Variants in ASXL2 observed in about 807,000 individuals in gnomAD.
ASXL2 encodes ASXL transcriptional regulator 2, also known as putative Polycomb group protein ASXL2.
A neutral mutation model predicts 122.0 loss-of-function variants in ASXL2; 23 were observed. The ratio of observed to expected loss-of-function variants is 0.19; its 90% CI spans 0.14 to 0.27. The LOEUF (loss-of-function observed/expected upper bound fraction) is 0.27, where lower values mean the gene tolerates loss of function less well. ASXL2 is among the 10% of genes least tolerant of loss of function. The probability of loss-of-function intolerance (pLI) is 1.00; values close to 1 mark genes in which losing one functional copy is unlikely to be tolerated. For missense variants in ASXL2, 1,518 were observed against 1,713.8 expected, an observed-to-expected ratio of 0.89 and a Z score of 2.02; for synonymous variants, 650 against 637.0, an observed-to-expected ratio of 1.02 and a Z score of -0.31.
intron 6 of ASXL2, among the ~76,000 whole-genome samples, chr2:25,769,975 G>A (rs1162344064): frequency 3.9e-5 from 6 of 152,204 alleles, no homozygotes; most frequent in Admixed American, 2.6e-4. Flanking sequence ...AATAGGTGAG[G>A]CAGAAGCACA....
intron 1 of ASXL2, among the ~76,000 whole-genome samples, chr2:25,856,147 C>G (rs1482676419): frequency 6.6e-6 from 1 of 151,872 alleles, no homozygotes; most frequent in African/African-American, 2.4e-5. Context: ...ACCTCCGCCT[C>G]CTGGGTTCAA....
intron 5 of ASXL2, among the ~76,000 whole-genome samples, chr2:25,778,283 G>A (rs2088579512): frequency 6.6e-6 from 1 of 152,222 alleles, no homozygotes; most frequent in Non-Finnish European, 1.5e-5. Flanking sequence ...CTTCATAAGA[G>A]ATGCATAAGG....
At chr2:25,868,696 AATAT>A (rs2089930033) in intron 1 of ASXL2, among the ~76,000 whole-genome samples, 1 of 152,210 alleles carries the variant, frequency 6.6e-6, no homozygotes, top group Non-Finnish European at 1.5e-5. Context: ...AACAATACTT[AATAT>A]ATTTGACTAG....
At chr2:25,808,408 C>G (rs796307855) in intron 3 of ASXL2, among the ~76,000 whole-genome samples, 7 of 152,340 alleles carry the variant, frequency 4.6e-5, no homozygotes, top group African/African-American at 1.7e-4. Flanking sequence ...TCTTGGCTCA[C>G]TGCAACCTTC....
At chr2:25,795,816 G>T (rs1294426235) in intron 5 of ASXL2, among the ~76,000 whole-genome samples, 1 of 152,186 alleles carries the variant, frequency 6.6e-6, no homozygotes, top group Non-Finnish European at 1.5e-5. Flanking sequence ...AGGAGAAGCA[G>T]GGGATAGAGA....
chr2:25,762,184 T>A (rs2088263998), intron 8 of ASXL2, among the ~76,000 whole-genome samples: 1 of 151,544 alleles, frequency 6.6e-6, no homozygotes, highest in African/African-American at 2.4e-5. Flanking sequence ...TATATAGAAG[T>A]ATGATATATC....
rs2088307328 is a variant in ASXL2 at position 25,764,395 on chromosome 2, CAT to C, written c.775+3186_775+3187del. 2.6e-5 allele frequency among the ~76,000 whole-genome samples: 4 copies of C among 152,220 alleles called. No individual in the cohort carries two copies. In the South Asian group the frequency reaches 8.3e-4, roughly 32 times the overall value. On this transcript the variant is annotated intron_variant, in intron 8 of 12. Coordinates refer to ENST00000435504, the MANE Select transcript of ASXL2 (RefSeq NM_018263.6). ...AGGAGAAGAACTGTTGTGGGCCACA[CAT>C]AAAATACACTAACACTAACTAATGA...
intron 2 of ASXL2, among the ~76,000 whole-genome samples, chr2:25,837,291 G>T (rs891733179): frequency 6.6e-6 from 1 of 152,196 alleles, no homozygotes; most frequent in Non-Finnish European, 1.5e-5. Context: ...TGGTTTCAAA[G>T]AATATTCAGG....
rs992880259 is a variant in ASXL2, at chr2:25,856,631, A to G, written c.58-11068T>C. ...GCCCCACCACAAGGTCAGCAATGAA[A>G]ATGTCCTCAGTCTCCCCAGAGTGGT... On this transcript the variant is annotated intron_variant, in intron 1 of 12. Transcript: ENST00000435504. 61 of 1,246,734 alleles carry G rather than the reference A, an allele frequency of 4.9e-5. No individual in the cohort carries two copies. The Admixed American group carries it at 1.0e-3, about 21-fold the overall frequency. 77.2% of individuals were successfully genotyped at this position (1,246,734 alleles called of 1,614,324 possible).
chr2:25,804,129 C>T (rs779609270), intron 4 of ASXL2, among the ~76,000 whole-genome samples: 7 of 152,238 alleles, frequency 4.6e-5, no homozygotes, highest in Non-Finnish European at 8.8e-5. Flanking sequence ...GGAAATTCAA[C>T]AAAGTATATA....
intron 1 of ASXL2, among the ~76,000 whole-genome samples, chr2:25,852,204 AC>A (rs1423267622): frequency 6.6e-6 from 1 of 152,218 alleles, no homozygotes; most frequent in Non-Finnish European, 1.5e-5. Context: ...AATATGAATA[AC>A]CACTCAGAAT....
chr2:25,834,963 C>T (rs1021261320), intron 3 of ASXL2, among the ~76,000 whole-genome samples: 3 of 152,112 alleles, frequency 2.0e-5, no homozygotes, highest in East Asian at 1.9e-4. Context: ...GCTGGGATTA[C>T]GGGCGCCGGC....
chr2:25,828,824 C>CAAAAAAAAA (rs1031358836), intron 3 of ASXL2, among the ~76,000 whole-genome samples: 93 of 49,996 alleles, frequency 1.9e-3, no homozygotes, highest in Non-Finnish European at 2.3e-3. Flanking sequence ...GACTGTGTCT[C>CAAAAAAAAA]AAAAAAAAAA....
intron 5 of ASXL2, among the ~76,000 whole-genome samples, chr2:25,772,233 A>G (rs1162561199): frequency 1.3e-5 from 2 of 152,198 alleles, no homozygotes; most frequent in South Asian, 2.1e-4. Flanking sequence ...AAATTAAACA[A>G]TATGTGAGTA....
At position 25,849,864 on chromosome 2, in the gene ASXL2, T is replaced by C. The variant is rs193010734; in HGVS notation, c.58-4301A>G. Among the ~76,000 whole-genome samples, 490 of 152,276 alleles carry C rather than the reference T, an allele frequency of 3.2e-3. 3 individuals are homozygous for C. The highest frequency in any genetic ancestry group is 5.1e-3 in the Non-Finnish European group (350 of 68,030). The stretch of plus-strand genomic sequence containing the variant: ...TAAAATTAGTTTTAATTTAGAAAAG[T>C]ATTATACTAAATTTTTTCAGACTAC... On this transcript the variant is annotated intron_variant, in intron 1 of 12. Coordinates refer to ENST00000435504, the MANE Select transcript of ASXL2 (RefSeq NM_018263.6).
chr2:25,868,534 TTC>T (rs2089928562), intron 1 of ASXL2, among the ~76,000 whole-genome samples: 1 of 152,238 alleles, frequency 6.6e-6, no homozygotes, highest in Non-Finnish European at 1.5e-5. Context: ...CCAATTTTAG[TTC>T]TGTCAAGCAA....
rs1292866940 is a variant in ASXL2, at chr2:25,741,539, T to C, written c.*490A>G. On this transcript the variant is annotated 3_prime_UTR_variant, in exon 13 of 13. Coordinates refer to ENST00000435504, the MANE Select transcript of ASXL2 (RefSeq NM_018263.6). ...AGTCCTGCAAAGGCTGAATAATCTA[T>C]GAATAACCTGCGGCCAGACTGTCCA... 1 of 231,920 alleles carries C rather than the reference T, an allele frequency of 4.3e-6. No individual in the cohort carries two copies. Among genetic ancestry groups the C allele is most frequent in the African/African-American group, 2.2e-5 (1 of 45,098 alleles). 14.4% of individuals were successfully genotyped at this position (231,920 alleles called of 1,614,324 possible).
intron 8 of ASXL2, among the ~76,000 whole-genome samples, chr2:25,762,249 T>C (rs2088265724): frequency 6.8e-6 from 1 of 146,876 alleles, no homozygotes; most frequent in Non-Finnish European, 1.5e-5. Context: ...AAAAGAGAAA[T>C]TGAGTGCATA....
chr2:25,799,871 G>A (rs891526633), intron 4 of ASXL2, among the ~76,000 whole-genome samples: 3 of 151,790 alleles, frequency 2.0e-5, no homozygotes, highest in African/African-American at 7.3e-5. Context: ...TTGGCTGGGC[G>A]TGGTGGTTCA....
Sources: gnomAD v4.1 joint callset for allele counts (sites outside exome capture counted in the v4.1 genomes callset) on GRCh38, gnomAD v4.1.1 for gene constraint, MANE v1.5 for transcripts, NCBI Gene and HGNC (gene_info 2026-07-23, HGNC 2026-07-21) for gene names.